GABRB3: variants seen among roughly 807,000 people sequenced by gnomAD.
The protein encoded by GABRB3 is gamma-aminobutyric acid type A receptor subunit beta3.
In GABRB3, 14 loss-of-function variants were observed where a neutral mutation model predicts 52.1. That is an observed-to-expected ratio of 0.27 (90% CI 0.18 to 0.42). The LOEUF is 0.42. Ranked by LOEUF, GABRB3 falls within the 10% of genes least tolerant of loss-of-function variation. The probability of loss-of-function intolerance (pLI) is 1.00; values close to 1 mark genes in which losing one functional copy is unlikely to be tolerated. For missense variants in GABRB3, 307 were observed against 609.1 expected (o/e 0.50, Z 5.22); for synonymous variants, 260 against 232.3 (o/e 1.12, Z -1.08).
chr15:26,726,837 C>T (rs1425244723), intron 3 of GABRB3, among the ~76,000 whole-genome samples: 1 of 150,030 alleles, frequency 6.7e-6, no homozygotes, highest in Non-Finnish European at 1.5e-5. Context: ...GGGGAGATAC[C>T]TTGAGATTGT....
intron 6 of GABRB3, among the ~76,000 whole-genome samples, chr15:26,577,390 G>C (rs1890630221): frequency 6.6e-6 from 1 of 152,140 alleles, no homozygotes; most frequent in Non-Finnish European, 1.5e-5. Context: ...GCATGTGCTT[G>C]CAATTCCAGC....
chr15:26,621,929 C>T lies in GABRB3; in HGVS notation c.241-395G>A, dbSNP rs1892498904. 6.9e-6 allele frequency among the ~76,000 whole-genome samples: 1 copy of T among 144,410 alleles called. No individual in the cohort carries two copies. The highest frequency in any genetic ancestry group is 1.6e-5 in the Non-Finnish European group (1 of 64,378). The allele number at this position is 144,410 out of a possible 152,430, so 94.7% of individuals were successfully genotyped here. ...AGACAGGTGCTTTAACAACCTACAA[C>T]AGATGAGCTCTATCTACAAACTCTC... On this transcript the variant is annotated intron_variant, in intron 3 of 8. Coordinates refer to ENST00000311550, the MANE Select transcript of GABRB3 (RefSeq NM_000814.6). This position sits in a 1 kb window ranked among gnomAD's most constrained non-coding sequence, Gnocchi z 4.1.
At chr15:26,552,388 C>G (rs1431492096) in intron 8 of GABRB3, among the ~76,000 whole-genome samples, 2 of 152,210 alleles carry the variant, frequency 1.3e-5, no homozygotes. Context: ...AGTGTGTCTG[C>G]ATGTCTTTGA....
chr15:26,548,167 G>A (rs959441377), intron 8 of GABRB3, 33 bp from the exon 9 acceptor site: 1 of 1,539,318 alleles, frequency 6.5e-7, no homozygotes, highest in Admixed American at 1.7e-5. Flanking sequence ...TGGTTAGACA[G>A]CCAGCAGCAT....
intron 3 of GABRB3, among the ~76,000 whole-genome samples, chr15:26,759,445 G>A (rs1194641109): frequency 6.6e-6 from 1 of 152,060 alleles, no homozygotes; most frequent in East Asian, 1.9e-4. Context: ...ATTTTTAGTA[G>A]AGACGGGGTT....
At chr15:26,670,244 T>C (rs866179668) in intron 3 of GABRB3, among the ~76,000 whole-genome samples, 71 of 152,046 alleles carry the variant, frequency 4.7e-4, no homozygotes, top group Admixed American at 6.5e-4. Flanking sequence ...ATGTGCAGGA[T>C]GCTCCAGGTG....
intron 3 of GABRB3, among the ~76,000 whole-genome samples, chr15:26,659,410 T>C (rs991122934): frequency 2.6e-5 from 4 of 151,696 alleles, no homozygotes; most frequent in African/African-American, 9.7e-5. Flanking sequence ...TAATCCCAGC[T>C]ACTTGGGAGG....
chr15:26,587,808 T>C (rs1019704563), intron 4 of GABRB3, among the ~76,000 whole-genome samples: 1 of 152,182 alleles, frequency 6.6e-6, no homozygotes, highest in Non-Finnish European at 1.5e-5. Context: ...CATGGTTTTA[T>C]ATTTTCCCTA....
intron 3 of GABRB3, among the ~76,000 whole-genome samples, chr15:26,754,191 G>A (rs890461058): frequency 2.6e-5 from 4 of 152,194 alleles, no homozygotes; most frequent in South Asian, 2.1e-4. Context: ...AGCACGAGTC[G>A]AACTAAAATT....
chr15:26,742,294 C>T (rs1029289132), intron 3 of GABRB3, among the ~76,000 whole-genome samples: 1 of 151,930 alleles, frequency 6.6e-6, no homozygotes, highest in African/African-American at 2.4e-5. Context: ...TGGATCTTTA[C>T]CCTTTGGCGT....
At chr15:26,609,101 C>T (rs1317392036) in intron 4 of GABRB3, among the ~76,000 whole-genome samples, 1 of 48,474 alleles carries the variant, frequency 2.1e-5, no homozygotes, top group African/African-American at 6.3e-5. Context: ...CACACACACA[C>T]ATACACACAC....
chr15:26,589,607 A>C (rs774589969), intron 4 of GABRB3, among the ~76,000 whole-genome samples: 3 of 152,070 alleles, frequency 2.0e-5, no homozygotes, highest in African/African-American at 4.8e-5. Context: ...CTTGGTCTCT[A>C]TCTCTCCTCA....
intron 4 of GABRB3, among the ~76,000 whole-genome samples, chr15:26,587,166 C>T (rs973388811): frequency 2.6e-5 from 4 of 152,138 alleles, no homozygotes; most frequent in Non-Finnish European, 5.9e-5. Flanking sequence ...TGTTCCGCCA[C>T]GCAACTCCCT....
intron 3 of GABRB3, among the ~76,000 whole-genome samples, chr15:26,644,027 G>C (rs1893283448): frequency 6.6e-6 from 1 of 152,122 alleles, no homozygotes; most frequent in Non-Finnish European, 1.5e-5. Context: ...CGATGACTGA[G>C]GGTACCCAGG....
chr15:26,611,822 G>T (rs1389711148), intron 4 of GABRB3: 4 of 152,168 alleles, frequency 2.6e-5, no homozygotes, highest in African/African-American at 9.7e-5. Flanking sequence ...TCTTAGCGTT[G>T]ATGAAAGTAA....
At chr15:26,699,498 A>G (rs1189303082) in intron 3 of GABRB3, among the ~76,000 whole-genome samples, 1 of 152,168 alleles carries the variant, frequency 6.6e-6, no homozygotes, top group African/African-American at 2.4e-5. Flanking sequence ...ATCAAAAAAA[A>G]AAAAACTCAA....
intron 4 of GABRB3, among the ~76,000 whole-genome samples, chr15:26,586,715 A>AGG (rs1443001362): frequency 2.0e-5 from 3 of 147,740 alleles, no homozygotes; most frequent in Non-Finnish European, 4.5e-5. Context: ...AGAGAGAGAG[A>AGG]GAAAGCGAAG....
rs182932129 is a variant in GABRB3 at position 26,770,213 on chromosome 15, T to C, written c.240+2189A>G. Among the ~76,000 whole-genome samples, 16 of 152,342 alleles carry C rather than the reference T, an allele frequency of 1.1e-4. No individual in the cohort carries two copies. The East Asian group carries it at 3.1e-3, about 29-fold the overall frequency. ...AGGAAGACATTTTAAATGGCTGACA[T>C]TCACATCTGCCCAATAGCCTTCAGT... On this transcript the variant is annotated intron_variant, in intron 3 of 8. Coordinates refer to ENST00000311550, the MANE Select transcript of GABRB3 (RefSeq NM_000814.6).
intron 8 of GABRB3, chr15:26,557,491 C>G (rs1047486622): frequency 6.6e-6 from 1 of 152,156 alleles, no homozygotes; most frequent in African/African-American, 2.4e-5. Context: ...TTCTGTTTCA[C>G]GTAAAATTTG....
Sources: allele counts gnomAD v4.1 joint callset (sites outside exome capture counted in the v4.1 genomes callset), GRCh38; gene constraint gnomAD v4.1.1; non-coding constraint Gnocchi (gnomAD v3.1); transcripts MANE v1.5; gene names NCBI Gene and HGNC (gene_info 2026-07-23, HGNC 2026-07-21).